STAT5B: variants seen among roughly 807,000 people sequenced by gnomAD.
STAT5B encodes signal transducer and activator of transcription 5B, also known as transcription factor STAT5B.
In STAT5B, 21 loss-of-function variants were observed where a neutral mutation model predicts 107.8. The observed-to-expected ratio is 0.19, with a 90% confidence interval of 0.14 to 0.28. The LOEUF is 0.28. Ranked by LOEUF, STAT5B falls within the 10% of genes least tolerant of loss-of-function variation. STAT5B has a pLI of 1.00. For synonymous variants in STAT5B, 325 were observed against 401.7 expected, an observed-to-expected ratio of 0.81 and a Z score of 2.28; for missense variants, 565 against 1,008.2, an observed-to-expected ratio of 0.56 and a Z score of 5.95.
the STAT5B span, chr17:42,287,750 G>T: frequency 3.3e-5 from 5 of 152,246 alleles, no homozygotes; most frequent in African/African-American, 1.2e-4. Context: ...GTGGCCCCGG[G>T]CAAGCCCCTT....
the STAT5B span, among the ~76,000 whole-genome samples, chr17:42,282,088 G>A: frequency 6.6e-6 from 1 of 152,180 alleles, no homozygotes; most frequent in Non-Finnish European, 1.5e-5. Context: ...GTGAACAGGG[G>A]GCTGCCCTGA....
At chr17:42,262,450 C>A (rs138221709) in intron 1 of STAT5B, among the ~76,000 whole-genome samples, 315 of 151,570 alleles carry the variant, frequency 2.1e-3, no homozygotes, top group African/African-American at 7.4e-3. Flanking sequence ...GAACATAAAT[C>A]TCTGGTATTA....
At chr17:42,210,137 C>G in intron 15 of STAT5B, 34 bp downstream of exon 15, 1 of 1,614,104 alleles carries the variant, frequency 6.2e-7, no homozygotes, top group Non-Finnish European at 8.5e-7. Flanking sequence ...ACGAAAGCAG[C>G]TAACTTTGGA....
At position 42,200,903 on chromosome 17, in the gene STAT5B, G is replaced by A. The variant is rs984190010; in HGVS notation, c.*835C>T. On this transcript the variant is annotated 3_prime_UTR_variant, in exon 19 of 19. Coordinates refer to ENST00000293328, the MANE Select transcript of STAT5B (RefSeq NM_012448.4). The stretch of plus-strand genomic sequence containing the variant: ...CTCAGCGCCTGGGAGTCAGGGCTGC[G>A]CACTCCACTCTGGCCAGAACACAAA... 4 of 395,202 alleles carry A rather than the reference G, an allele frequency of 1.0e-5. No homozygotes were observed. Among genetic ancestry groups the A allele is most frequent in the Non-Finnish European group, 1.8e-5 (4 of 224,464 alleles). 24.5% of individuals were successfully genotyped at this position (395,202 alleles called of 1,614,324 possible). A position where few individuals can be genotyped will look rare whatever the true frequency, so the allele number is the denominator to read the frequency against.
intron 5 of STAT5B, among the ~76,000 whole-genome samples, chr17:42,221,983 C>G (rs1198570856): frequency 9.3e-6 from 1 of 108,108 alleles, no homozygotes; most frequent in African/African-American, 3.8e-5. Context: ...TGTGTGTGTG[C>G]TGTGTGTGGT....
At chr17:42,266,460 A>G (rs2080672624) in intron 1 of STAT5B, among the ~76,000 whole-genome samples, 1 of 151,970 alleles carries the variant, frequency 6.6e-6, no homozygotes, top group Admixed American at 6.6e-5. Context: ...ATGTGTGTCT[A>G]AAGTAATACG....
chr17:42,221,276 G>GCAGA (rs1567660977), intron 5 of STAT5B, among the ~76,000 whole-genome samples: 1 of 152,142 alleles, frequency 6.6e-6, no homozygotes, highest in African/African-American at 2.4e-5. Flanking sequence ...CACAGGGAGG[G>GCAGA]TGGTGGTGAT....
chr17:42,221,949 GGT>G (rs893423853), intron 5 of STAT5B, among the ~76,000 whole-genome samples: 5 of 146,294 alleles, frequency 3.4e-5, no homozygotes, highest in African/African-American at 7.6e-5. Context: ...GTGTATGTGT[GGT>G]GTGTGTGTGT....
chr17:42,210,800 G>C (rs1480497136), intron 13 of STAT5B, among the ~76,000 whole-genome samples: 1 of 152,168 alleles, frequency 6.6e-6, no homozygotes, highest in Non-Finnish European at 1.5e-5. Context: ...AGAAGCATCA[G>C]TGTCACCTGG....
chr17:42,277,941 A>G (rs540408509), upstream of STAT5B, among the ~76,000 whole-genome samples: 21 of 151,948 alleles, frequency 1.4e-4, no homozygotes, highest in Non-Finnish European at 1.6e-4. Flanking sequence ...TTTTTGTAGT[A>G]GAGACGGGGT....
the STAT5B span, among the ~76,000 whole-genome samples, chr17:42,286,369 G>A: frequency 6.6e-6 from 1 of 152,160 alleles, no homozygotes; most frequent in Non-Finnish European, 1.5e-5. Context: ...GTCAGGGTGG[G>A]AGGCACGGGA....
At chr17:42,252,732 T>C (rs1456605398) in intron 1 of STAT5B, among the ~76,000 whole-genome samples, 3 of 152,130 alleles carry the variant, frequency 2.0e-5, no homozygotes, top group Non-Finnish European at 4.4e-5. Flanking sequence ...AAGGTAAACA[T>C]AATAGCAAGT....
At chr17:42,267,563 AAAAAGT>A (rs1321732713) in intron 1 of STAT5B, among the ~76,000 whole-genome samples, 4 of 152,234 alleles carry the variant, frequency 2.6e-5, no homozygotes, top group African/African-American at 9.6e-5. Flanking sequence ...TTAAAAAGAG[AAAAAGT>A]AAAAGAATAA....
intron 1 of STAT5B, among the ~76,000 whole-genome samples, chr17:42,244,419 A>G (rs1262452962): frequency 6.6e-6 from 1 of 151,838 alleles, no homozygotes; most frequent in Non-Finnish European, 1.5e-5. Context: ...GAAGGTTTAT[A>G]TTTGTACTGT....
chr17:42,208,089 T>C (rs904176929), intron 15 of STAT5B, among the ~76,000 whole-genome samples: 5 of 152,020 alleles, frequency 3.3e-5, no homozygotes, highest in African/African-American at 2.4e-5. Flanking sequence ...AGATGGAGTT[T>C]CCCTATGTCA....
intron 1 of STAT5B, among the ~76,000 whole-genome samples, chr17:42,267,858 C>T (rs2080687377): frequency 6.6e-6 from 1 of 150,720 alleles, no homozygotes; most frequent in Non-Finnish European, 1.5e-5. Flanking sequence ...ATTCGGGAGG[C>T]TGAGGAAGGA....
intron 1 of STAT5B, among the ~76,000 whole-genome samples, chr17:42,240,290 T>A (rs2080391362): frequency 6.6e-6 from 1 of 152,124 alleles, no homozygotes; most frequent in African/African-American, 2.4e-5. Context: ...ATAAATACAA[T>A]GAATAAAATG....
At chr17:42,208,741 T>C (rs183452268) in intron 15 of STAT5B, among the ~76,000 whole-genome samples, 2 of 152,114 alleles carry the variant, frequency 1.3e-5, no homozygotes, top group South Asian at 2.1e-4. Flanking sequence ...GATGAATTTT[T>C]TTTTTTTCGA....
Position 42,218,297 on chromosome 17 carries a change from G to A in STAT5B, c.1023C>T (p.Val341=). The A allele has an allele frequency of 2.5e-6, 4 of 1,614,002 alleles. No individual in the cohort carries two copies. Among genetic ancestry groups the A allele is most frequent in the African/African-American group, 1.3e-5 (1 of 74,970 alleles). ...TFIIEKQPPQ[V]LKTQTKFAAT... Reference sequence around the variant, plus strand: ...CTGCAAACTTGGTCTGGGTCTTCAGGACCTGAGGAGGCTGCTTCTCAATGA... The same window carrying A: ...CTGCAAACTTGGTCTGGGTCTTCAGAACCTGAGGAGGCTGCTTCTCAATGA... Residue 341 remains valine (V), a synonymous_variant, in exon 9 of 19, where the codon GTC becomes GTT. Coordinates refer to ENST00000293328, the MANE Select transcript of STAT5B (RefSeq NM_012448.4).
Sources: allele counts gnomAD v4.1 joint callset (sites outside exome capture counted in the v4.1 genomes callset), GRCh38; gene constraint gnomAD v4.1.1; transcripts MANE v1.5; gene names NCBI Gene and HGNC (gene_info 2026-07-23, HGNC 2026-07-21).